JAZF1: variants seen among roughly 807,000 people sequenced by gnomAD.
JAZF1 encodes the protein juxtaposed with another zinc finger protein 1.
JAZF1 carries 8 observed loss-of-function variants against 26.4 expected under a neutral mutation model. That is an observed-to-expected ratio of 0.30 (90% CI 0.18 to 0.55). The LOEUF (loss-of-function observed/expected upper bound fraction) is 0.55. Among genes scored for constraint, JAZF1 ranks in the 20% least tolerant of loss-of-function variants. JAZF1 has a pLI of 0.94. For missense variants in JAZF1, 199 were observed against 322.0 expected (o/e 0.62, Z 2.92); for synonymous variants, 126 against 122.3 (o/e 1.03, Z -0.20).
intron 1 of JAZF1, among the ~76,000 whole-genome samples, chr7:28,062,601 A>G (rs993019006): frequency 3.3e-5 from 5 of 151,258 alleles, no homozygotes; most frequent in African/African-American, 1.2e-4. Flanking sequence ...CACCAGCCTC[A>G]GGTTGCCTGT....
At chr7:27,935,230 C>T (rs918698064) in intron 2 of JAZF1, among the ~76,000 whole-genome samples, 1 of 152,156 alleles carries the variant, frequency 6.6e-6, no homozygotes, top group Non-Finnish European at 1.5e-5. Context: ...AAATTGGAAT[C>T]GTCACCTATT....
chr7:27,924,781 T>C (rs771026134), intron 2 of JAZF1, among the ~76,000 whole-genome samples: 6 of 152,208 alleles, frequency 3.9e-5, no homozygotes, highest in Non-Finnish European at 2.9e-5. Flanking sequence ...AGTAAGGTAA[T>C]GTGTGCATTC....
chr7:27,862,633 C>T (rs1783404915), intron 3 of JAZF1, among the ~76,000 whole-genome samples: 1 of 152,132 alleles, frequency 6.6e-6, no homozygotes, highest in Non-Finnish European at 1.5e-5. Flanking sequence ...TGAATCAGCC[C>T]ACCTCTGAGC....
intron 2 of JAZF1, among the ~76,000 whole-genome samples, chr7:27,919,532 T>A (rs17156027): frequency 0.024 from 3,606 of 152,246 alleles, 143 homozygotes; most frequent in African/African-American, 0.082. Flanking sequence ...AATGTAACTA[T>A]CAGAGCTGGA....
chr7:28,036,229 T>C (rs1783290504), intron 1 of JAZF1, among the ~76,000 whole-genome samples: 1 of 152,230 alleles, frequency 6.6e-6, no homozygotes. Flanking sequence ...CATTATACAT[T>C]CAAGTCCACC....
chr7:28,099,679 T>A (rs1269842574), intron 1 of JAZF1, among the ~76,000 whole-genome samples: 1 of 152,100 alleles, frequency 6.6e-6, no homozygotes, highest in African/African-American at 2.4e-5. Flanking sequence ...TTTCTCCATG[T>A]TGGTCAGGCT....
At chr7:27,894,594 G>A (rs1784027915) in intron 3 of JAZF1, among the ~76,000 whole-genome samples, 1 of 152,228 alleles carries the variant, frequency 6.6e-6, no homozygotes, top group Admixed American at 6.5e-5. Context: ...GGAGACTGAC[G>A]GGAAAGAGAA....
chr7:27,992,026 G>C (rs1426956073), intron 1 of JAZF1, 45 bp from the exon 2 acceptor site: 1 of 1,106,902 alleles, frequency 9.0e-7, no homozygotes, highest in Non-Finnish European at 1.4e-6. Flanking sequence ...TTTTGCATCA[G>C]AATATATGAG....
intron 2 of JAZF1, among the ~76,000 whole-genome samples, chr7:27,934,560 G>A (rs1406968466): frequency 6.6e-6 from 1 of 152,036 alleles, no homozygotes; most frequent in Non-Finnish European, 1.5e-5. Flanking sequence ...TTTGACAGAT[G>A]GTACACCTTG....
intron 2 of JAZF1, among the ~76,000 whole-genome samples, chr7:27,953,717 A>G (rs1785045848): frequency 6.6e-6 from 1 of 152,240 alleles, no homozygotes; most frequent in Admixed American, 6.5e-5. Flanking sequence ...TAGAAAATAA[A>G]TAGACTGAAA....
chr7:27,885,952 T>C (rs765157432), intron 3 of JAZF1, among the ~76,000 whole-genome samples: 2 of 152,218 alleles, frequency 1.3e-5, no homozygotes. Flanking sequence ...TTGATTTACA[T>C]GTGCTATATA....
At chr7:28,089,391 C>T (rs1220291589) in intron 1 of JAZF1, among the ~76,000 whole-genome samples, 2 of 152,196 alleles carry the variant, frequency 1.3e-5, no homozygotes, top group African/African-American at 2.4e-5. Context: ...GACTTCCCAG[C>T]GTTTAGAACC....
chr7:28,040,196 C>T (rs1272890565), intron 1 of JAZF1, among the ~76,000 whole-genome samples: 2 of 152,182 alleles, frequency 1.3e-5, no homozygotes, highest in East Asian at 3.9e-4. Context: ...AATGTTTGAG[C>T]CCTTTAAACA....
chr7:27,989,018 A>G (rs1785833761), intron 2 of JAZF1, among the ~76,000 whole-genome samples: 1 of 151,922 alleles, frequency 6.6e-6, no homozygotes, highest in African/African-American at 2.4e-5. Context: ...TGGAGGCATC[A>G]TGCTTCCTGA....
At chr7:28,076,465 G>T (rs927493208) in intron 1 of JAZF1, among the ~76,000 whole-genome samples, 3 of 151,950 alleles carry the variant, frequency 2.0e-5, no homozygotes, top group African/African-American at 7.3e-5. Flanking sequence ...GAAGAAAAAA[G>T]GTCAATACTC....
chr7:27,861,982 G>A (rs534205957), intron 3 of JAZF1, among the ~76,000 whole-genome samples: 34 of 152,274 alleles, frequency 2.2e-4, no homozygotes, highest in African/African-American at 7.9e-4. Context: ...CCTGGGCTCT[G>A]CCTGGCAGCT....
chr7:28,116,462 T>TC (rs1229708791), intron 1 of JAZF1, among the ~76,000 whole-genome samples: 1 of 152,244 alleles, frequency 6.6e-6, no homozygotes, highest in Non-Finnish European at 1.5e-5. Flanking sequence ...TCTCTTTTTT[T>TC]CAGACAGAGT....
chr7:27,954,781 G>C (rs779671920), intron 2 of JAZF1, among the ~76,000 whole-genome samples: 35 of 152,090 alleles, frequency 2.3e-4, no homozygotes, highest in Non-Finnish European at 4.1e-4. Flanking sequence ...TCTTTAGATG[G>C]AGTTTTGCTT....
At chr7:28,015,759 C>T (rs1204820382) in intron 1 of JAZF1, among the ~76,000 whole-genome samples, 1 of 152,186 alleles carries the variant, frequency 6.6e-6, no homozygotes, top group Non-Finnish European at 1.5e-5. Flanking sequence ...ACACCCTCGT[C>T]CCAGCAGAGG....
Sources: allele counts gnomAD v4.1 joint callset (sites outside exome capture counted in the v4.1 genomes callset), GRCh38; gene constraint gnomAD v4.1.1; transcripts MANE v1.5; gene names NCBI Gene and HGNC (gene_info 2026-07-23, HGNC 2026-07-21).